Variants in NAALADL2 observed in about 807,000 individuals in gnomAD.
The protein encoded by NAALADL2 is N-acetylated alpha-linked acidic dipeptidase like 2.
A neutral mutation model predicts 87.2 loss-of-function variants in NAALADL2; 76 were observed. The observed-to-expected ratio is 0.87, with a 90% CI of 0.72 to 1.05. The LOEUF (loss-of-function observed/expected upper bound fraction) is 1.05. Ranked by LOEUF, NAALADL2 falls within the 50% of genes least tolerant of loss-of-function variation. NAALADL2 has a pLI of 0.00. For synonymous variants in NAALADL2, 354 were observed against 331.0 expected (o/e 1.07, Z -0.75); for missense variants, 1,089 against 945.8 (o/e 1.15, Z -1.99).
intron 10 of NAALADL2, among the ~76,000 whole-genome samples, chr3:175,620,670 T>C (rs1726090069): frequency 6.6e-6 from 1 of 152,140 alleles, no homozygotes; most frequent in Non-Finnish European, 1.5e-5. Context: ...TGCCTGCAGC[T>C]CAGCGAACAG....
Position 175,401,870 on chromosome 3 carries a change from A to G in NAALADL2, c.1091-45359A>G, listed in dbSNP as rs114126207. On this transcript the variant is annotated intron_variant, in intron 5 of 13. Transcript: ENST00000454872. Reference sequence around the variant, plus strand: ...TCGGTGAAGCTCCTTCCATGTAAGCATAAAAGTCCAGTAGACGATCATGAG... The same window carrying G: ...TCGGTGAAGCTCCTTCCATGTAAGCGTAAAAGTCCAGTAGACGATCATGAG... Among the ~76,000 whole-genome samples the G allele has an allele frequency of 8.7e-3, 1,320 of 152,244 alleles. 22 individuals are homozygous for G. Among genetic ancestry groups the G allele is most frequent in the African/African-American group, 0.03 (1,259 of 41,544 alleles).
chr3:174,830,433 T>C (rs1027887607), intron 3 of NAALADL2, among the ~76,000 whole-genome samples: 3 of 152,072 alleles, frequency 2.0e-5, no homozygotes, highest in Admixed American at 1.3e-4. Context: ...AGATATGCGG[T>C]GTTATTTCTG....
intron 4 of NAALADL2, among the ~76,000 whole-genome samples, chr3:175,272,257 T>C (rs1470887288): frequency 1.3e-5 from 2 of 152,150 alleles, no homozygotes; most frequent in Non-Finnish European, 2.9e-5. Context: ...AAAAATCTGC[T>C]CCAGAAATGC....
At chr3:175,590,085 G>A (rs1185359155) in intron 10 of NAALADL2, among the ~76,000 whole-genome samples, 2 of 151,928 alleles carry the variant, frequency 1.3e-5, no homozygotes, top group East Asian at 1.9e-4. Context: ...GGTGGCGGGC[G>A]ACTGTAATCC....
chr3:175,156,208 C>A (rs1359584044), intron 2 of NAALADL2, among the ~76,000 whole-genome samples: 2 of 150,590 alleles, frequency 1.3e-5, no homozygotes, highest in Non-Finnish European at 3.0e-5. Flanking sequence ...ATATTTGAAG[C>A]TATCCCAGAA....
At chr3:174,737,950 G>T (rs544034521) in intron 3 of NAALADL2, among the ~76,000 whole-genome samples, 2 of 151,656 alleles carry the variant, frequency 1.3e-5, no homozygotes, top group South Asian at 4.2e-4. Context: ...ATTTTCTTTG[G>T]GTAGCATTAT....
At chr3:175,621,954 CAT>C (rs1449295370) in intron 10 of NAALADL2, among the ~76,000 whole-genome samples, 2 of 152,126 alleles carry the variant, frequency 1.3e-5, no homozygotes, top group African/African-American at 2.4e-5. Flanking sequence ...TTATTGAACT[CAT>C]AGTTTTCTAG....
chr3:175,100,781 G>A (rs1722012046), intron 2 of NAALADL2, among the ~76,000 whole-genome samples: 1 of 147,184 alleles, frequency 6.8e-6, no homozygotes, highest in South Asian at 2.2e-4. Flanking sequence ...GGAGGTTTCA[G>A]TGAGCTGAGA....
At chr3:175,642,855 A>C (rs1462708504) in intron 11 of NAALADL2, among the ~76,000 whole-genome samples, 1 of 152,158 alleles carries the variant, frequency 6.6e-6, no homozygotes, top group Non-Finnish European at 1.5e-5. Context: ...CCCTATTCCA[A>C]AGTACACAAA....
intron 5 of NAALADL2, among the ~76,000 whole-genome samples, chr3:175,354,674 T>C (rs1764146143): frequency 6.6e-6 from 1 of 151,996 alleles, no homozygotes; most frequent in Non-Finnish European, 1.5e-5. Flanking sequence ...GATGGAATCT[T>C]GCTATGTTTC....
At chr3:175,559,101 G>A (rs1323064430) in intron 9 of NAALADL2, among the ~76,000 whole-genome samples, 2 of 151,844 alleles carry the variant, frequency 1.3e-5, no homozygotes, top group Admixed American at 1.3e-4. Flanking sequence ...TCAATTTCTT[G>A]CATCAGTGTT....
intron 4 of NAALADL2, among the ~76,000 whole-genome samples, chr3:175,294,283 C>T (rs1417745146): frequency 1.3e-5 from 2 of 152,084 alleles, no homozygotes; most frequent in African/African-American, 4.8e-5. Context: ...TTAATACCTA[C>T]TTATTTGCTC....
At chr3:174,612,345 ATTATCTG>A (rs1441751511) in intron 2 of NAALADL2, among the ~76,000 whole-genome samples, 3 of 152,086 alleles carry the variant, frequency 2.0e-5, no homozygotes, top group African/African-American at 2.4e-5. Context: ...GGTTTGGGAA[ATTATCTG>A]TTATTATCCC....
chr3:175,078,380 C>T (rs187145750), intron 1 of NAALADL2, among the ~76,000 whole-genome samples: 17 of 151,740 alleles, frequency 1.1e-4, no homozygotes, highest in African/African-American at 3.1e-4. Flanking sequence ...CAAAATGCAG[C>T]GCAGCAATAA....
At chr3:174,674,267 A>G (rs892424501) in intron 2 of NAALADL2, among the ~76,000 whole-genome samples, 1 of 151,970 alleles carries the variant, frequency 6.6e-6, no homozygotes, top group African/African-American at 2.4e-5. Context: ...CATGAGGGAT[A>G]CACTGCCCAT....
At chr3:174,570,978 G>A (rs1031347928) in intron 2 of NAALADL2, among the ~76,000 whole-genome samples, 4 of 152,024 alleles carry the variant, frequency 2.6e-5, no homozygotes, top group South Asian at 2.1e-4. Flanking sequence ...CTATAACTGC[G>A]ATTCTCCAAA....
At chr3:175,753,512 T>A (rs1274428132) in intron 12 of NAALADL2, among the ~76,000 whole-genome samples, 1 of 152,034 alleles carries the variant, frequency 6.6e-6, no homozygotes, top group African/African-American at 2.4e-5. Flanking sequence ...CAAATGAAGG[T>A]GAGAATAAAA....
intron 2 of NAALADL2, among the ~76,000 whole-genome samples, chr3:175,226,463 A>C (rs1366499079): frequency 6.6e-6 from 1 of 152,034 alleles, no homozygotes; most frequent in African/African-American, 2.4e-5. Flanking sequence ...AGCATCTCAG[A>C]TTGGGAAACT....
At chr3:175,368,291 C>T (rs1473075566) in intron 5 of NAALADL2, among the ~76,000 whole-genome samples, 1 of 152,084 alleles carries the variant, frequency 6.6e-6, no homozygotes, top group Non-Finnish European at 1.5e-5. Flanking sequence ...CATCAATGTT[C>T]ATCAAGGATA....
Sources: allele counts gnomAD v4.1 joint callset (sites outside exome capture counted in the v4.1 genomes callset), GRCh38; gene constraint gnomAD v4.1.1; transcripts MANE v1.5; gene names NCBI Gene and HGNC (gene_info 2026-07-23, HGNC 2026-07-21).